The following CADM1 variants were observed in gnomAD, a reference collection of about 807,000 sequenced individuals.
CADM1 encodes TSLC-1.
A neutral mutation model predicts 53.1 loss-of-function variants in CADM1; 15 were observed. That is an observed-to-expected ratio of 0.28 (90% CI 0.19 to 0.44). CADM1 has a LOEUF of 0.44. Among genes scored for constraint, CADM1 ranks in the 20% least tolerant of loss-of-function variants. The pLI is 1.00. For missense variants in CADM1, 434 were observed against 611.3 expected, an observed-to-expected ratio of 0.71 and a Z score of 3.06; for synonymous variants, 281 against 243.0, an observed-to-expected ratio of 1.16 and a Z score of -1.45.
Position 115,170,869 on chromosome 11 carries a change from C to A in CADM1, c.*5605G>T, listed in dbSNP as rs4936321. ...CAGGACTGGCTGGCTTGTCCCTTCACGGCCAACCTGAAAGCCACCTGTAGT... is the reference window on the plus strand; with the variant it reads ...CAGGACTGGCTGGCTTGTCCCTTCAAGGCCAACCTGAAAGCCACCTGTAGT... On this transcript the variant is annotated 3_prime_UTR_variant, in exon 12 of 12. Coordinates refer to ENST00000331581, the MANE Select transcript of CADM1 (RefSeq NM_001301043.2). 74,841 of 151,864 alleles carry A rather than the reference C, an allele frequency of 0.49. 18,951 individuals are homozygous for A. The highest frequency in any genetic ancestry group is 0.55 in the Non-Finnish European group (37,526 of 67,962). 9.4% of individuals were successfully genotyped at this position (151,864 alleles called of 1,614,324 possible).
At chr11:115,223,758 A>G (rs1941490997) in intron 5 of CADM1, among the ~76,000 whole-genome samples, 1 of 152,168 alleles carries the variant, frequency 6.6e-6, no homozygotes, top group Non-Finnish European at 1.5e-5. Context: ...AGTCCTTATA[A>G]TATCAGGAAC....
chr11:115,311,734 G>A (rs1042803574), intron 1 of CADM1, among the ~76,000 whole-genome samples: 2 of 152,096 alleles, frequency 1.3e-5, no homozygotes, highest in African/African-American at 4.8e-5. Context: ...ACACCTCAGT[G>A]AGGAAAACTC....
chr11:115,213,098 C>T (rs928473228), intron 7 of CADM1, among the ~76,000 whole-genome samples: 1 of 152,182 alleles, frequency 6.6e-6, no homozygotes, highest in African/African-American at 2.4e-5. Context: ...CTTTTTATAA[C>T]CTGCAGTTTG....
At chr11:115,269,575 G>A (rs1466759494) in intron 1 of CADM1, among the ~76,000 whole-genome samples, 2 of 152,144 alleles carry the variant, frequency 1.3e-5, no homozygotes, top group Non-Finnish European at 2.9e-5. Flanking sequence ...CAAACAGCAG[G>A]TGATTCCATA....
intron 1 of CADM1, among the ~76,000 whole-genome samples, chr11:115,422,423 A>G (rs531701386): frequency 1.3e-5 from 2 of 152,314 alleles, no homozygotes; most frequent in South Asian, 2.1e-4. Context: ...CCACAAAAAT[A>G]AAAGGCTCCA....
At chr11:115,456,254 A>G (rs527263199) in intron 1 of CADM1, among the ~76,000 whole-genome samples, 7 of 152,298 alleles carry the variant, frequency 4.6e-5, no homozygotes, top group Admixed American at 2.0e-4. Context: ...AGATATGAAT[A>G]TACATAAAAG....
chr11:115,186,071 C>T (rs1939532155), intron 10 of CADM1, among the ~76,000 whole-genome samples: 1 of 152,190 alleles, frequency 6.6e-6, no homozygotes, highest in Non-Finnish European at 1.5e-5. Flanking sequence ...ATGAGAAAGA[C>T]CAGCAGCAGG....
At chr11:115,187,690 C>T (rs905602987) in intron 10 of CADM1, among the ~76,000 whole-genome samples, 1 of 152,226 alleles carries the variant, frequency 6.6e-6, no homozygotes, top group African/African-American at 2.4e-5. Context: ...ATCCACCCGT[C>T]TCAGCGTCCC....
Position 115,434,860 on chromosome 11 carries a change from A to ATTTT in CADM1, c.124+69410_124+69411insAAAA, listed in dbSNP as rs35368859. Among the ~76,000 whole-genome samples the ATTTT allele has an allele frequency of 1.1e-3, 152 of 132,794 alleles. 3 individuals carry two copies. Among genetic ancestry groups the ATTTT allele is most frequent in the Non-Finnish European group, 2.0e-3 (121 of 61,848 alleles). The allele number at this position is 132,794 out of a possible 152,430, so 87.1% of individuals were successfully genotyped here. ...AGTATTTTATTTTATTATTATTATT[A>ATTTT]TTATTTTTTTTTTTTTTTGAGACAG... On this transcript the variant is annotated intron_variant, in intron 1 of 11. Transcript: ENST00000331581.
chr11:115,389,305 A>G (rs1946776338), intron 1 of CADM1, among the ~76,000 whole-genome samples: 1 of 152,204 alleles, frequency 6.6e-6, no homozygotes, highest in Non-Finnish European at 1.5e-5. Context: ...AACAACAACA[A>G]CAGACAAACA....
chr11:115,300,786 A>T (rs1944199972), intron 1 of CADM1, among the ~76,000 whole-genome samples: 2 of 152,126 alleles, frequency 1.3e-5, no homozygotes. Context: ...ACTGATTATG[A>T]TCATCCGGAA....
intron 3 of CADM1, among the ~76,000 whole-genome samples, chr11:115,234,495 G>A (rs1174089397): frequency 6.6e-6 from 1 of 152,192 alleles, no homozygotes; most frequent in African/African-American, 2.4e-5. Context: ...ACTCTTCAGA[G>A]TGAGTCCTGA....
chr11:115,385,325 G>A (rs896436094), intron 1 of CADM1, among the ~76,000 whole-genome samples: 1 of 152,128 alleles, frequency 6.6e-6, no homozygotes, highest in Non-Finnish European at 1.5e-5. Flanking sequence ...AGGATTTGCT[G>A]CTCCTGAGTA....
chr11:115,496,796 T>G (rs1949627100), intron 1 of CADM1, among the ~76,000 whole-genome samples: 1 of 152,082 alleles, frequency 6.6e-6, no homozygotes, highest in Non-Finnish European at 1.5e-5. Context: ...GCAGGAAAGC[T>G]AAGGAGGGGA....
At position 115,459,511 on chromosome 11, in the gene CADM1, C is replaced by CAG. The variant is rs369530033; in HGVS notation, c.124+44758_124+44759dup. ...ATCTTCACCCATCCCCTTTGCTTCCCAGAGAGAGAGAGAGAAAGAAAAGAA... is the reference window on the plus strand; with the variant it reads ...ATCTTCACCCATCCCCTTTGCTTCCCAGAGAGAGAGAGAGAGAAAGAAAAGAA... On this transcript the variant is annotated intron_variant, in intron 1 of 11. Coordinates refer to ENST00000331581, the MANE Select transcript of CADM1 (RefSeq NM_001301043.2). 9.3e-5 allele frequency among the ~76,000 whole-genome samples: 14 copies of CAG among 151,170 alleles called. No homozygotes were observed. In the East Asian group the frequency reaches 1.9e-3, roughly 21 times the overall value.
rs1555060904 is a variant in CADM1 at position 115,307,517 on chromosome 11, A to AT, written c.125-67098_125-67097insA. The stretch of plus-strand genomic sequence containing the variant: ...CAACTATTTAAGCCAGGAAAAAAAA[A>AT]ATATATATATATATATATGCTGAGA... On this transcript the variant is annotated intron_variant, in intron 1 of 11. Coordinates refer to ENST00000331581, the MANE Select transcript of CADM1 (RefSeq NM_001301043.2). Among the ~76,000 whole-genome samples, 1,048 of 144,286 alleles carry AT rather than the reference A, an allele frequency of 7.3e-3. 5 individuals carry two copies. Among genetic ancestry groups the AT allele is most frequent in the African/African-American group, 0.02 (780 of 39,376 alleles). 94.7% of individuals were successfully genotyped at this position (144,286 alleles called of 152,430 possible).
chr11:115,201,285 A>C (rs1335050719), intron 8 of CADM1, among the ~76,000 whole-genome samples: 1 of 152,174 alleles, frequency 6.6e-6, no homozygotes. Flanking sequence ...CACTGACTCC[A>C]TTTCTCTAAG....
chr11:115,259,241 C>A (rs1372726035), intron 1 of CADM1, among the ~76,000 whole-genome samples: 1 of 150,468 alleles, frequency 6.6e-6, no homozygotes, highest in Non-Finnish European at 1.5e-5. Context: ...CCACCTCAGG[C>A]TCCCAAAGTG....
At chr11:115,419,826 C>T (rs1260233646) in intron 1 of CADM1, among the ~76,000 whole-genome samples, 2 of 152,150 alleles carry the variant, frequency 1.3e-5, no homozygotes, top group Non-Finnish European at 2.9e-5. Context: ...AGTCAGTGGC[C>T]TTTCTACAGA....
Sources: allele counts gnomAD v4.1 joint callset (sites outside exome capture counted in the v4.1 genomes callset), GRCh38; gene constraint gnomAD v4.1.1; transcripts MANE v1.5; gene names NCBI Gene and HGNC (gene_info 2026-07-23, HGNC 2026-07-21).